FBXO34: variants seen among roughly 807,000 people sequenced by gnomAD.
The protein encoded by FBXO34 is F-box only protein 34.
FBXO34 carries 12 observed loss-of-function variants against 24.5 expected under a neutral mutation model. The ratio of observed to expected loss-of-function variants is 0.49; its 90% CI spans 0.31 to 0.79. The LOEUF is 0.79. Ranked by LOEUF, FBXO34 falls within the 30% of genes least tolerant of loss-of-function variation. FBXO34 has a pLI of 0.04. For missense variants in FBXO34, 823 were observed against 857.7 expected (o/e 0.96, Z 0.51); for synonymous variants, 320 against 311.9 (o/e 1.03, Z -0.27).
At chr14:55,284,096 T>G (rs939004614) in intron 1 of FBXO34, among the ~76,000 whole-genome samples, 2 of 152,102 alleles carry the variant, frequency 1.3e-5, no homozygotes, top group South Asian at 4.1e-4. Context: ...ACTCCTGAGC[T>G]CAAGCAGTCC....
At chr14:55,307,833 C>T (rs1369560581) in intron 1 of FBXO34, among the ~76,000 whole-genome samples, 1 of 152,184 alleles carries the variant, frequency 6.6e-6, no homozygotes, top group Non-Finnish European at 1.5e-5. Context: ...GACCTTCATG[C>T]TCTCATATGA....
chr14:55,329,144 G>A (rs565381886), intron 1 of FBXO34, among the ~76,000 whole-genome samples: 1 of 150,644 alleles, frequency 6.6e-6, no homozygotes, highest in African/African-American at 2.4e-5. Context: ...TTAAAACGTG[G>A]TTTATTTCTA....
At chr14:55,372,409 T>A (rs1325106174), downstream of FBXO34, among the ~76,000 whole-genome samples, 3 of 152,074 alleles carry the variant, frequency 2.0e-5, no homozygotes, top group Non-Finnish European at 4.4e-5. Flanking sequence ...AAACCAAAGA[T>A]GCTCTGATTC....
At chr14:55,289,511 C>T (rs76933351) in intron 1 of FBXO34, among the ~76,000 whole-genome samples, 2,151 of 152,152 alleles carry the variant, frequency 0.014, 58 homozygotes, top group African/African-American at 0.049. Context: ...GTATACGATT[C>T]TTTCTTTCTA....
chr14:55,434,612 T>C, the FBXO34 span, among the ~76,000 whole-genome samples: 1 of 151,588 alleles, frequency 6.6e-6, no homozygotes. Context: ...AAAAGTTGCC[T>C]AAAATGCTGA....
chr14:55,373,210 A>G (rs908258605), downstream of FBXO34, among the ~76,000 whole-genome samples: 1 of 152,162 alleles, frequency 6.6e-6, no homozygotes, highest in Non-Finnish European at 1.5e-5. Context: ...TGAATAATGG[A>G]TATCTTTTTA....
intron 1 of FBXO34, chr14:55,299,087 C>A: frequency 1.4e-6 from 2 of 1,428,274 alleles, no homozygotes; most frequent in Non-Finnish European, 2.0e-6. Context: ...AAAAGTCTGA[C>A]GAGGATGAGC....
At chr14:55,384,240 A>C in the FBXO34 span, among the ~76,000 whole-genome samples, 2 of 152,248 alleles carry the variant, frequency 1.3e-5, no homozygotes, top group African/African-American at 2.4e-5. Flanking sequence ...GTTTTTCTTC[A>C]TATTTTCTCC....
the FBXO34 span, among the ~76,000 whole-genome samples, chr14:55,421,187 A>G: frequency 1.3e-5 from 2 of 152,132 alleles, no homozygotes; most frequent in South Asian, 2.1e-4. Flanking sequence ...TTTTAATAAG[A>G]TTTATTTGTA....
At chr14:55,379,383 CA>C in the FBXO34 span, among the ~76,000 whole-genome samples, 3 of 150,084 alleles carry the variant, frequency 2.0e-5, no homozygotes, top group East Asian at 2.0e-4. Context: ...CAAAAAAATA[CA>C]AAAAAAAATT....
chr14:55,307,166 A>G (rs1404008796), intron 1 of FBXO34, among the ~76,000 whole-genome samples: 1 of 152,238 alleles, frequency 6.6e-6, no homozygotes, highest in South Asian at 2.1e-4. Flanking sequence ...AGTTATGGCT[A>G]CAAATAAAAG....
chr14:55,334,480 T>A (rs1264893871), intron 1 of FBXO34, among the ~76,000 whole-genome samples: 2 of 148,966 alleles, frequency 1.3e-5, no homozygotes, highest in Non-Finnish European at 3.0e-5. Flanking sequence ...GAAGGCACAG[T>A]TCTGGGAATT....
chr14:55,294,404 C>T (rs1178046422), intron 1 of FBXO34, among the ~76,000 whole-genome samples: 1 of 152,104 alleles, frequency 6.6e-6, no homozygotes, highest in Non-Finnish European at 1.5e-5. Flanking sequence ...CCTCTGACTT[C>T]AACCTCCCAA....
chr14:55,438,576 C>T, the FBXO34 span, among the ~76,000 whole-genome samples: 29 of 152,148 alleles, frequency 1.9e-4, no homozygotes, highest in Non-Finnish European at 4.0e-4. Flanking sequence ...TTCCCCTTCC[C>T]CATCATGGCA....
In FBXO34 at chr14:55,351,803, A is replaced by G; in HGVS notation, c.1413A>G (p.Leu471=). Residue 471 remains leucine (L), a synonymous_variant, in exon 2 of 2, where the codon TTA becomes TTG. Coordinates refer to ENST00000313833, the MANE Select transcript of FBXO34 (RefSeq NM_017943.4). ...TAGACAAAGACCAGCCTTCCATTTTAAACTCCTGTGAAGACCCAGTTCCAG... is the reference window on the plus strand; with the variant it reads ...TAGACAAAGACCAGCCTTCCATTTTGAACTCCTGTGAAGACCCAGTTCCAG... The part of the protein sequence containing the change: ...SKVDKDQPSI[L]NSCEDPVPGM... The G allele has an allele frequency of 6.2e-7, 1 of 1,614,162 alleles. No individual in the cohort carries two copies. Among genetic ancestry groups the G allele is most frequent in the African/African-American group, 1.3e-5 (1 of 75,034 alleles).
At chr14:55,435,304 G>A in the FBXO34 span, among the ~76,000 whole-genome samples, 1 of 148,616 alleles carries the variant, frequency 6.7e-6, no homozygotes, top group African/African-American at 2.5e-5. Flanking sequence ...TGGAGACGGA[G>A]TCTCGCTGTT....
the FBXO34 span, among the ~76,000 whole-genome samples, chr14:55,429,749 A>G: frequency 6.9e-6 from 1 of 144,826 alleles, no homozygotes; most frequent in Non-Finnish European, 1.5e-5. Context: ...CTAGGCAACA[A>G]GAGTGAAACT....
chr14:55,381,297 AC>A, the FBXO34 span, among the ~76,000 whole-genome samples: 5 of 152,180 alleles, frequency 3.3e-5, no homozygotes, highest in Admixed American at 6.5e-5. Context: ...ATCTTTCTCC[AC>A]CAAAGAGAAA....
At chr14:55,293,204 G>T (rs1197897407) in intron 1 of FBXO34, among the ~76,000 whole-genome samples, 1 of 151,998 alleles carries the variant, frequency 6.6e-6, no homozygotes, top group African/African-American at 2.4e-5. Context: ...TCTGAGACAG[G>T]TTCTCACTCT....
Sources: gnomAD v4.1 joint callset for allele counts (sites outside exome capture counted in the v4.1 genomes callset) on GRCh38, gnomAD v4.1.1 for gene constraint, MANE v1.5 for transcripts, NCBI Gene and HGNC (gene_info 2026-07-23, HGNC 2026-07-21) for gene names.